The following DHRSX variants were observed in gnomAD, a reference collection of about 807,000 sequenced individuals.
DHRSX encodes polyprenol dehydrogenase.
Under a neutral mutation model 34.0 loss-of-function variants are expected in DHRSX, and 31 were observed. The observed-to-expected ratio is 0.91, with a 90% CI of 0.69 to 1.23. The LOEUF is 1.23. Among genes scored for constraint, DHRSX ranks in the 50% most tolerant of loss-of-function variants. DHRSX has a pLI of 0.00. For missense variants in DHRSX, 414 were observed against 428.1 expected, an observed-to-expected ratio of 0.97 and a Z score of 0.29; for synonymous variants, 201 against 183.8, an observed-to-expected ratio of 1.09 and a Z score of -0.76.
intron 3 of DHRSX, among the ~76,000 whole-genome samples, chrX:2,294,507 A>C (rs748027401): frequency 4.7e-4 from 72 of 152,184 alleles, no homozygotes; most frequent in African/African-American, 1.7e-3. Context: ...TCTACTAAAA[A>C]TACAAAAATT....
intron 6 of DHRSX, among the ~76,000 whole-genome samples, chrX:2,232,546 G>C (rs1602766014): frequency 6.6e-6 from 1 of 151,934 alleles, no homozygotes; most frequent in Non-Finnish European, 1.5e-5. Context: ...TAACTCAGTG[G>C]ATCTTAGGAG....
intron 3 of DHRSX, among the ~76,000 whole-genome samples, chrX:2,382,288 T>G (rs1260864396): frequency 6.6e-6 from 1 of 152,044 alleles, no homozygotes; most frequent in African/African-American, 2.4e-5. Flanking sequence ...GGTGTCAGAC[T>G]TGGCCAACCT....
intron 3 of DHRSX, among the ~76,000 whole-genome samples, chrX:2,390,205 G>A (rs1289578168): frequency 2.1e-5 from 3 of 140,098 alleles, no homozygotes; most frequent in African/African-American, 5.4e-5. Flanking sequence ...GTGTAATAGC[G>A]CGATCTCAGC....
intron 3 of DHRSX, among the ~76,000 whole-genome samples, chrX:2,304,039 G>GAACT (rs2042058274): frequency 7.1e-6 from 1 of 139,952 alleles, no homozygotes; most frequent in African/African-American, 2.6e-5. Flanking sequence ...ATGGATGGAT[G>GAACT]GATGGATGGA....
At chrX:2,311,344 C>G (rs186819909) in intron 3 of DHRSX, among the ~76,000 whole-genome samples, 77 of 152,164 alleles carry the variant, frequency 5.1e-4, no homozygotes, top group African/African-American at 1.9e-3. Flanking sequence ...ACTACGATGG[C>G]CCTCCTCTCC....
chrX:2,328,391 G>A (rs1211785641), intron 3 of DHRSX, among the ~76,000 whole-genome samples: 6 of 144,706 alleles, frequency 4.1e-5, no homozygotes, highest in South Asian at 2.2e-4. Flanking sequence ...AGAAGATGGC[G>A]TCTCCAAGCC....
intron 3 of DHRSX, among the ~76,000 whole-genome samples, chrX:2,396,858 G>A (rs1426731708): frequency 3.3e-5 from 5 of 150,970 alleles, no homozygotes; most frequent in Non-Finnish European, 2.9e-5. Context: ...TCCGCCTCCT[G>A]GGTTCAAGCG....
At chrX:2,237,869 A>G (rs1569478152) in intron 6 of DHRSX, among the ~76,000 whole-genome samples, 1 of 152,052 alleles carries the variant, frequency 6.6e-6, no homozygotes, top group Admixed American at 6.6e-5. Flanking sequence ...GGTAATAGCC[A>G]CGTTCATTTG....
chrX:2,367,335 G>A (rs1172308237), intron 3 of DHRSX, among the ~76,000 whole-genome samples: 1 of 151,820 alleles, frequency 6.6e-6, no homozygotes, highest in Non-Finnish European at 1.5e-5. Context: ...CAACTCAGGA[G>A]GCTGAGGCAA....
At chrX:2,433,624 A>C (rs939784688) in intron 1 of DHRSX, among the ~76,000 whole-genome samples, 84 of 152,076 alleles carry the variant, frequency 5.5e-4, no homozygotes, top group Middle Eastern at 6.8e-3. Context: ...CTCACTGTTC[A>C]GCTCCTACTT....
At chrX:2,290,986 C>CT (rs1350741673) in intron 4 of DHRSX, among the ~76,000 whole-genome samples, 1 of 152,116 alleles carries the variant, frequency 6.6e-6, no homozygotes, top group Non-Finnish European at 1.5e-5. Context: ...ACCTTAAGCA[C>CT]TCAGCGAGGC....
intron 4 of DHRSX, among the ~76,000 whole-genome samples, chrX:2,282,358 A>C (rs759054360): frequency 7.1e-6 from 1 of 140,730 alleles, no homozygotes; most frequent in South Asian, 2.3e-4. Context: ...AGAGAGAAGG[A>C]GAGGGAGGAA....
intron 2 of DHRSX, among the ~76,000 whole-genome samples, chrX:2,417,907 AC>A (rs2043716704): frequency 6.6e-6 from 1 of 152,126 alleles, no homozygotes; most frequent in Non-Finnish European, 1.5e-5. Context: ...CTTCATCATG[AC>A]CTAACCAAAC....
chrX:2,401,187 G>A (rs1156449724), intron 3 of DHRSX, among the ~76,000 whole-genome samples: 1 of 143,490 alleles, frequency 7.0e-6, no homozygotes, highest in Non-Finnish European at 1.5e-5. Context: ...TCGGCTCACC[G>A]CAAACCTCCG....
In DHRSX at chrX:2,221,213, G is replaced by A. The variant is rs1418375528; in HGVS notation, c.821C>T (p.Ala274Val). 1.5e-5 allele frequency: 24 copies of A among 1,613,522 alleles called. No homozygotes were observed. Among genetic ancestry groups the A allele is most frequent in the East Asian group, 2.2e-5 (1 of 44,882 alleles). The change falls in exon 7 of 7, where the codon GCG (alanine) becomes GTG (valine). Residue 274 changes from alanine (A) to valine (V), a missense_variant. Physicochemically the swap from Ala to Val is moderately conservative, Grantham distance 64. Coordinates refer to ENST00000334651, the MANE Select transcript of DHRSX (RefSeq NM_145177.3). ...WLLFKTPDEG[A>V]WTSIYAAVTP... ...GACTGCTGCGTAGATGGAAGTCCAC[G>A]CTCCTTCATCGGGGGTCTGGTGGAA... is the stretch of plus-strand genomic sequence containing the variant.
At chrX:2,488,730 C>T (rs753735373) in intron 1 of DHRSX, 11 of 1,613,844 alleles carry the variant, frequency 6.8e-6, no homozygotes, top group East Asian at 6.7e-5. Flanking sequence ...CACTCCCCCT[C>T]GTCCTGGTCC....
In DHRSX at chrX:2,332,368, CTAGT is replaced by C. The variant is rs368623005; in HGVS notation, c.287-40769_287-40766del. Reference sequence around the variant, plus strand: ...AGGGAAGGGAAGGGATGGTCAGAAGCTAGTTAGTGTGTGCAGTGATATTTTCACA... The same window carrying C: ...AGGGAAGGGAAGGGATGGTCAGAAGCTAGTGTGTGCAGTGATATTTTCACA... On this transcript the variant is annotated intron_variant, in intron 3 of 6. Coordinates refer to ENST00000334651, the MANE Select transcript of DHRSX (RefSeq NM_145177.3). 7.3e-4 allele frequency among the ~76,000 whole-genome samples: 111 copies of C among 152,274 alleles called. 1 individual carries two copies. Among genetic ancestry groups the C allele is most frequent in the African/African-American group, 2.5e-3 (105 of 41,558 alleles).
At chrX:2,445,797 T>A (rs906151528) in intron 1 of DHRSX, among the ~76,000 whole-genome samples, 6 of 149,246 alleles carry the variant, frequency 4.0e-5, no homozygotes, top group Non-Finnish European at 8.9e-5. Context: ...GCACTGAAGA[T>A]GTTCTCTAGG....
rs566957226 is a variant in DHRSX at position 2,327,419 on chromosome X, A to T, written c.287-35816T>A. Among the ~76,000 whole-genome samples, 6 of 152,312 alleles carry T rather than the reference A, an allele frequency of 3.9e-5. No individual in the cohort carries two copies. The South Asian group carries it at 1.2e-3, about 32-fold the overall frequency. ...GCCATCACTATAAACCCAAGAATAA[A>T]GCCAGCAGAGCTACAGTGATGGCCT... On this transcript the variant is annotated intron_variant, in intron 3 of 6. Coordinates refer to ENST00000334651, the MANE Select transcript of DHRSX (RefSeq NM_145177.3).
Sources: allele counts gnomAD v4.1 joint callset (sites outside exome capture counted in the v4.1 genomes callset), GRCh38; gene constraint gnomAD v4.1.1; transcripts MANE v1.5; gene names NCBI Gene and HGNC (gene_info 2026-07-23, HGNC 2026-07-21).